RNF24: variants seen among roughly 807,000 people sequenced by gnomAD.
RNF24 encodes ring finger protein 24.
RNF24 carries 14 observed loss-of-function variants against 20.0 expected under a neutral mutation model. That is an observed-to-expected ratio of 0.70 (90% CI 0.46 to 1.10). The LOEUF (loss-of-function observed/expected upper bound fraction) is 1.10, where lower values mean the gene tolerates loss of function less well. RNF24 is among the 50% of genes least tolerant of loss of function. The pLI is 0.00. For missense variants in RNF24, 124 were observed against 177.6 expected (o/e 0.70, Z 1.71); for synonymous variants, 45 against 61.1 (o/e 0.74, Z 1.23).
chr20:3,955,616 C>T (rs1003498438), intron 2 of RNF24, among the ~76,000 whole-genome samples: 1 of 151,964 alleles, frequency 6.6e-6, no homozygotes, highest in Non-Finnish European at 1.5e-5. Context: ...ATTTGGGGCC[C>T]CAGTTCCAAA....
intron 1 of RNF24, among the ~76,000 whole-genome samples, chr20:3,988,157 T>C (rs1980096124): frequency 6.6e-6 from 1 of 151,926 alleles, no homozygotes; most frequent in Non-Finnish European, 1.5e-5. Flanking sequence ...ACTCCGTCTC[T>C]ACAAAAAAAT....
At chr20:3,964,428 A>G (rs2091236599) in intron 1 of RNF24, among the ~76,000 whole-genome samples, 1 of 152,232 alleles carries the variant, frequency 6.6e-6, no homozygotes, top group African/African-American at 2.4e-5. Flanking sequence ...ATAATGGTAA[A>G]ATATTAGAAA....
chr20:4,007,643 G>A (rs934864237), intron 1 of RNF24, among the ~76,000 whole-genome samples: 1 of 149,794 alleles, frequency 6.7e-6, no homozygotes, highest in Non-Finnish European at 1.5e-5. Context: ...GGTGGCTCCT[G>A]CCTGTAATCC....
At chr20:3,969,804 C>T (rs907138535) in intron 1 of RNF24, among the ~76,000 whole-genome samples, 1 of 143,176 alleles carries the variant, frequency 7.0e-6, no homozygotes, top group Admixed American at 7.2e-5. Context: ...TGGCGTCTTG[C>T]TCTGTCACCA....
At chr20:3,997,103 G>A (rs989881048) in intron 1 of RNF24, among the ~76,000 whole-genome samples, 3 of 151,562 alleles carry the variant, frequency 2.0e-5, no homozygotes, top group Non-Finnish European at 4.4e-5. Flanking sequence ...GTGGGTGCCT[G>A]TAGTCCCAGC....
intron 2 of RNF24, among the ~76,000 whole-genome samples, chr20:3,961,135 C>T (rs927795832): frequency 3.9e-5 from 6 of 152,072 alleles, no homozygotes; most frequent in Non-Finnish European, 8.8e-5. Flanking sequence ...GGTGTGGTGG[C>T]TCATGCCTAT....
chr20:3,952,456 T>C (rs1243482589), intron 2 of RNF24, among the ~76,000 whole-genome samples: 1 of 152,138 alleles, frequency 6.6e-6, no homozygotes, highest in African/African-American at 2.4e-5. Context: ...AGTTTCTCTG[T>C]AAAAACTTTT....
At chr20:3,951,701 A>T (rs1472907300) in intron 2 of RNF24, among the ~76,000 whole-genome samples, 1 of 151,938 alleles carries the variant, frequency 6.6e-6, no homozygotes, top group East Asian at 1.9e-4. Context: ...TATTTGTGCA[A>T]TTATTTATTT....
At chr20:4,012,660 T>G (rs1363089991) in intron 1 of RNF24, among the ~76,000 whole-genome samples, 2 of 152,186 alleles carry the variant, frequency 1.3e-5, no homozygotes, top group African/African-American at 4.8e-5. Flanking sequence ...ATCTAAAAGT[T>G]AGTTTAGATT....
chr20:3,979,865 C>T lies in RNF24; in HGVS notation c.-7-15841G>A, dbSNP rs139738807. ...GTGTAGGTGTATAAGTGTAACTGAT[C>T]GTATTATCAATCTAAAAAAGAATAA... On this transcript the variant is annotated intron_variant, in intron 1 of 5. Coordinates refer to ENST00000358395, the MANE Select transcript of RNF24 (RefSeq NM_001134337.3). Among the ~76,000 whole-genome samples, 333 of 151,928 alleles carry T rather than the reference C, an allele frequency of 2.2e-3. 3 individuals carry two copies. The highest frequency in any genetic ancestry group is 7.9e-3 in the African/African-American group (326 of 41,414).
intron 4 of RNF24, 115 bp downstream of exon 4, chr20:3,945,062 C>A: frequency 7.6e-7 from 1 of 1,324,372 alleles, no homozygotes; most frequent in Non-Finnish European, 1.0e-6. Context: ...TCTATTACCC[C>A]AATCAAAATA....
Position 3,931,085 on chromosome 20 carries a change from G to A in RNF24, c.*2978C>T, listed in dbSNP as rs1021166082. 5.9e-5 allele frequency: 9 copies of A among 152,362 alleles called. No individual in the cohort carries two copies. The highest frequency in any genetic ancestry group is 9.6e-5 in the African/African-American group (4 of 41,576). The allele number at this position is 152,362 out of a possible 1,614,324, so 9.4% of individuals were successfully genotyped here. ...TCAAGTCAGGCTGGTTTTGTTCCCT[G>A]TTTCTGAAGGCAGTTGAATTCAGTT... is the stretch of plus-strand genomic sequence containing the variant. On this transcript the variant is annotated 3_prime_UTR_variant, in exon 6 of 6. Coordinates refer to ENST00000358395, the MANE Select transcript of RNF24 (RefSeq NM_001134337.3).
chr20:3,975,374 C>A (rs536441645), intron 1 of RNF24, among the ~76,000 whole-genome samples: 3 of 151,880 alleles, frequency 2.0e-5, no homozygotes, highest in Admixed American at 6.5e-5. Flanking sequence ...ACACCAAAAG[C>A]AAGGAGTATA....
intron 2 of RNF24, among the ~76,000 whole-genome samples, chr20:3,950,534 G>A (rs2300219): frequency 0.16 from 23,883 of 152,222 alleles, 2,134 homozygotes; most frequent in African/African-American, 0.24. Flanking sequence ...CTTCACAATT[G>A]TAAGAAATTA....
chr20:3,964,738 G>T (rs2091240568), intron 1 of RNF24, among the ~76,000 whole-genome samples: 1 of 152,074 alleles, frequency 6.6e-6, no homozygotes, highest in Non-Finnish European at 1.5e-5. Context: ...GGCTGGTCTT[G>T]AACTCGTGGG....
chr20:3,932,189 ATATTGGTC>A lies in RNF24; in HGVS notation c.*1866_*1873del, dbSNP rs1215474234. On this transcript the variant is annotated 3_prime_UTR_variant, in exon 6 of 6. Coordinates refer to ENST00000358395, the MANE Select transcript of RNF24 (RefSeq NM_001134337.3). The stretch of plus-strand genomic sequence containing the variant: ...TAGTCCAGAAGCAAGCCTCCTTCTG[ATATTGGTC>A]ACTGAAAACAGCTCACTATAAACGG... 3.9e-5 allele frequency: 6 copies of A among 152,298 alleles called. No individual in the cohort carries two copies. The East Asian group carries it at 7.7e-4, about 20-fold the overall frequency. The allele number at this position is 152,298 out of a possible 1,614,324, so 9.4% of individuals were successfully genotyped here.
chr20:4,006,266 G>A (rs1057166791), intron 1 of RNF24, among the ~76,000 whole-genome samples: 1 of 152,082 alleles, frequency 6.6e-6, no homozygotes, highest in Admixed American at 6.5e-5. Flanking sequence ...CTACTTGGGA[G>A]GCTGAGGCAG....
At chr20:3,949,544 A>G (rs1379790672) in intron 2 of RNF24, among the ~76,000 whole-genome samples, 3 of 151,516 alleles carry the variant, frequency 2.0e-5, no homozygotes, top group African/African-American at 7.3e-5. Context: ...TTAGCTGGGC[A>G]TGGTGGCGTG....
At chr20:4,009,055 G>A (rs1197062911) in intron 1 of RNF24, among the ~76,000 whole-genome samples, 1 of 152,176 alleles carries the variant, frequency 6.6e-6, no homozygotes, top group East Asian at 1.9e-4. Flanking sequence ...CCCATGTACT[G>A]AGTAGACACT....
Sources: allele counts gnomAD v4.1 joint callset (sites outside exome capture counted in the v4.1 genomes callset), GRCh38; gene constraint gnomAD v4.1.1; transcripts MANE v1.5; gene names NCBI Gene and HGNC (gene_info 2026-07-23, HGNC 2026-07-21).